CLSTN2: variants seen among roughly 807,000 people sequenced by gnomAD.
CLSTN2 encodes calsyntenin 2, also known as calsyntenin-2.
In CLSTN2, 48 loss-of-function variants were observed where a neutral mutation model predicts 101.2. The observed-to-expected ratio is 0.47, with a 90% CI of 0.38 to 0.60. The LOEUF (loss-of-function observed/expected upper bound fraction) is 0.60. CLSTN2 is among the 20% of genes least tolerant of loss of function. The pLI, the probability that CLSTN2 is intolerant of heterozygous loss-of-function variation, is 0.00. For missense variants in CLSTN2, 1,160 were observed against 1,238.2 expected (o/e 0.94, Z 0.95); for synonymous variants, 481 against 463.6 (o/e 1.04, Z -0.48).
chr3:140,050,317 A>T (rs144229242), intron 1 of CLSTN2, among the ~76,000 whole-genome samples: 12 of 152,290 alleles, frequency 7.9e-5, no homozygotes, highest in African/African-American at 2.6e-4. Flanking sequence ...AGACCATTGG[A>T]GAAAGGATGT....
At chr3:140,244,233 G>A (rs569854750) in intron 2 of CLSTN2, among the ~76,000 whole-genome samples, 1 of 152,346 alleles carries the variant, frequency 6.6e-6, no homozygotes, top group South Asian at 2.1e-4. Flanking sequence ...CTTGACTGAT[G>A]TGGCAAGGAA....
At chr3:140,462,997 C>A (rs1210710736) in intron 7 of CLSTN2, among the ~76,000 whole-genome samples, 2 of 152,172 alleles carry the variant, frequency 1.3e-5, no homozygotes, top group African/African-American at 4.8e-5. Context: ...TAAATGTGAA[C>A]CTAGGAGCAT....
intron 2 of CLSTN2, among the ~76,000 whole-genome samples, chr3:140,178,759 G>A (rs9811727): frequency 0.26 from 38,968 of 152,020 alleles, 5,370 homozygotes; most frequent in African/African-American, 0.33. Flanking sequence ...GATCCCTATC[G>A]TTCTCATAAA....
intron 2 of CLSTN2, among the ~76,000 whole-genome samples, chr3:140,295,794 A>C (rs2086997479): frequency 6.6e-6 from 1 of 152,200 alleles, no homozygotes; most frequent in Admixed American, 6.5e-5. Flanking sequence ...TGAGGGACAA[A>C]GGAATCTTCA....
In CLSTN2 at chr3:140,558,647, G is replaced by T. The variant is rs1935848428; in HGVS notation, c.1831G>T (p.Gly611Trp). The T allele has an allele frequency of 6.2e-7, 1 of 1,612,244 alleles. No individual in the cohort carries two copies. Among genetic ancestry groups the T allele is most frequent in the African/African-American group, 1.3e-5 (1 of 74,842 alleles). The stretch of plus-strand genomic sequence containing the variant: ...CCGAGAATGTTTTCCCAGGTGCTTT[G>T]GGGAAGACGTATGCATCAGTATCCC... ...LKVSSKVQCF[G>W]EDVCISIPEV... is the part of the protein sequence containing the mutation. Residue 611 changes from glycine to tryptophan, a missense_variant, in exon 12 of 17, where the codon GGG becomes TGG. Physicochemically the swap from Gly to Trp is radical, Grantham distance 184 (BLOSUM62 -2). Transcript: ENST00000458420.
At chr3:140,354,995 G>A (rs2107945312) in intron 2 of CLSTN2, among the ~76,000 whole-genome samples, 1 of 152,264 alleles carries the variant, frequency 6.6e-6, no homozygotes, top group Middle Eastern at 3.4e-3. Flanking sequence ...GACACTCTAG[G>A]AGGCATCTGA....
intron 1 of CLSTN2, among the ~76,000 whole-genome samples, chr3:140,003,563 T>C (rs1354436488): frequency 2.6e-5 from 4 of 152,212 alleles, no homozygotes; most frequent in Non-Finnish European, 5.9e-5. Flanking sequence ...CTTCCAGTAC[T>C]ATGTTGAATA....
intron 2 of CLSTN2, among the ~76,000 whole-genome samples, chr3:140,362,961 C>T (rs1559848969): frequency 6.6e-6 from 1 of 151,932 alleles, no homozygotes; most frequent in Non-Finnish European, 1.5e-5. Context: ...ATCATATGAC[C>T]TAGAAATTTC....
At chr3:140,035,756 C>A (rs2007640071) in intron 1 of CLSTN2, among the ~76,000 whole-genome samples, 1 of 152,196 alleles carries the variant, frequency 6.6e-6, no homozygotes, top group Non-Finnish European at 1.5e-5. Context: ...TGACTGAACA[C>A]CAAAAGTTTT....
chr3:140,286,272 T>C (rs1354080951), intron 2 of CLSTN2, among the ~76,000 whole-genome samples: 1 of 152,152 alleles, frequency 6.6e-6, no homozygotes, highest in African/African-American at 2.4e-5. Context: ...CTGGCTGTGG[T>C]TTTCCGTCAT....
intron 2 of CLSTN2, among the ~76,000 whole-genome samples, chr3:140,339,403 A>G (rs1259242256): frequency 6.6e-6 from 1 of 152,176 alleles, no homozygotes; most frequent in Non-Finnish European, 1.5e-5. Context: ...AGATTTGTGA[A>G]GAGTAATTAC....
chr3:140,057,217 C>T (rs1430062128), intron 1 of CLSTN2, among the ~76,000 whole-genome samples: 1 of 152,228 alleles, frequency 6.6e-6, no homozygotes, highest in Non-Finnish European at 1.5e-5. Context: ...TGATCCAAAG[C>T]CACTCAGCTG....
At chr3:140,332,361 C>T (rs960266958) in intron 2 of CLSTN2, among the ~76,000 whole-genome samples, 4 of 152,174 alleles carry the variant, frequency 2.6e-5, no homozygotes, top group Non-Finnish European at 5.9e-5. Flanking sequence ...AAGGTCCTAT[C>T]CTGGAGGAAA....
At chr3:140,190,372 A>T (rs2010542133) in intron 2 of CLSTN2, among the ~76,000 whole-genome samples, 1 of 148,364 alleles carries the variant, frequency 6.7e-6, no homozygotes, top group Admixed American at 6.8e-5. Context: ...TTTTTTCAAA[A>T]CTGTTTTAAC....
At chr3:140,426,119 T>C (rs2088562734) in intron 5 of CLSTN2, among the ~76,000 whole-genome samples, 1 of 152,224 alleles carries the variant, frequency 6.6e-6, no homozygotes, top group African/African-American at 2.4e-5. Context: ...ATCTTTCTTT[T>C]TAAAGTTTAA....
At chr3:140,215,511 G>A (rs1226728159) in intron 2 of CLSTN2, among the ~76,000 whole-genome samples, 1 of 152,172 alleles carries the variant, frequency 6.6e-6, no homozygotes, top group African/African-American at 2.4e-5. Context: ...ATAGGGGGTT[G>A]GAAATGAATG....
chr3:140,302,546 T>C (rs568467345), intron 2 of CLSTN2, among the ~76,000 whole-genome samples: 1 of 152,328 alleles, frequency 6.6e-6, no homozygotes, highest in East Asian at 1.9e-4. Context: ...TTGAAAAATA[T>C]GGTCTTCAAA....
At position 140,136,857 on chromosome 3, in the gene CLSTN2, GTTTAACCTCAGGTATGACTGTGGAGAA is replaced by G. The variant is rs1460840908; in HGVS notation, c.110-39092_110-39066del. The stretch of plus-strand genomic sequence containing the variant: ...GGATGGATGGGGAAAGAATAGCTGA[GTTTAACCTCAGGTATGACTGTGGAGAA>G]TGGGTGGCAGAGAATACAGCAGGTC... On this transcript the variant is annotated intron_variant, in intron 1 of 16. Coordinates refer to ENST00000458420, the MANE Select transcript of CLSTN2 (RefSeq NM_022131.3). Among the ~76,000 whole-genome samples, 3 of 152,306 alleles carry G rather than the reference GTTTAACCTCAGGTATGACTGTGGAGAA, an allele frequency of 2.0e-5. No homozygotes were observed. The East Asian group carries it at 5.8e-4, about 29-fold the overall frequency.
intron 2 of CLSTN2, among the ~76,000 whole-genome samples, chr3:140,195,700 A>G (rs985206737): frequency 3.9e-5 from 6 of 152,194 alleles, no homozygotes; most frequent in Non-Finnish European, 8.8e-5. Context: ...CATCATGTAG[A>G]AAAAGAGTTT....
Sources: allele counts gnomAD v4.1 joint callset (sites outside exome capture counted in the v4.1 genomes callset), GRCh38; gene constraint gnomAD v4.1.1; transcripts MANE v1.5; gene names NCBI Gene and HGNC (gene_info 2026-07-23, HGNC 2026-07-21).